The following GPC5 variants were observed in gnomAD, a reference collection of about 807,000 sequenced individuals.
The protein encoded by GPC5 is glypican 5.
GPC5 carries 47 observed loss-of-function variants against 53.9 expected under a neutral mutation model. The ratio of observed to expected loss-of-function variants is 0.87; its 90% CI spans 0.69 to 1.11. The LOEUF is 1.11. GPC5 is among the 50% of genes most tolerant of loss of function. GPC5 has a pLI of 0.00. For synonymous variants in GPC5, 286 were observed against 263.3 expected (o/e 1.09, Z -0.84); for missense variants, 748 against 713.1 (o/e 1.05, Z -0.56).
intron 7 of GPC5, among the ~76,000 whole-genome samples, chr13:92,863,640 C>T (rs562725792): frequency 3.3e-5 from 5 of 152,210 alleles, no homozygotes; most frequent in African/African-American, 4.8e-5. Context: ...ATTACAGGCA[C>T]GCACCACCAC....
chr13:92,815,850 G>C (rs1435340996), intron 7 of GPC5, among the ~76,000 whole-genome samples: 1 of 151,906 alleles, frequency 6.6e-6, no homozygotes, highest in African/African-American at 2.4e-5. Flanking sequence ...ATTGAGTTGA[G>C]CTGCCATTTT....
intron 7 of GPC5, among the ~76,000 whole-genome samples, chr13:92,156,831 A>G (rs1350900153): frequency 2.0e-5 from 3 of 151,984 alleles, no homozygotes; most frequent in African/African-American, 4.8e-5. Context: ...TTACATATAT[A>G]TGTGTGTTTA....
chr13:92,386,138 G>A (rs192169677), intron 7 of GPC5, among the ~76,000 whole-genome samples: 4 of 151,976 alleles, frequency 2.6e-5, no homozygotes, highest in Non-Finnish European at 4.4e-5. Context: ...TATGGTCCGT[G>A]AAAAATCTAG....
intron 7 of GPC5, among the ~76,000 whole-genome samples, chr13:92,401,872 T>C (rs190923382): frequency 2.6e-5 from 4 of 152,270 alleles, no homozygotes; most frequent in African/African-American, 9.6e-5. Context: ...TTGCATACTC[T>C]CCTCCTTTGT....
intron 7 of GPC5, among the ~76,000 whole-genome samples, chr13:92,646,264 T>C (rs1228809452): frequency 2.0e-5 from 3 of 152,112 alleles, no homozygotes; most frequent in Non-Finnish European, 4.4e-5. Context: ...TACTCAAGCA[T>C]CGTTTGTAAA....
intron 6 of GPC5, among the ~76,000 whole-genome samples, chr13:91,949,882 C>T (rs912641147): frequency 6.6e-6 from 1 of 152,168 alleles, no homozygotes; most frequent in Non-Finnish European, 1.5e-5. Context: ...ATTTGCATGT[C>T]ATTGTCAGCC....
At chr13:92,758,910 G>A (rs1276398977) in intron 7 of GPC5, among the ~76,000 whole-genome samples, 1 of 149,962 alleles carries the variant, frequency 6.7e-6, no homozygotes, top group Non-Finnish European at 1.5e-5. Flanking sequence ...TTTGTGTATG[G>A]TGTAAAAGAA....
intron 7 of GPC5, among the ~76,000 whole-genome samples, chr13:92,566,178 A>G (rs1882857944): frequency 6.6e-6 from 1 of 152,092 alleles, no homozygotes; most frequent in South Asian, 2.1e-4. Flanking sequence ...TAAAGGTCCT[A>G]TACACTATTG....
chr13:91,836,563 T>A (rs1343444591), intron 5 of GPC5, among the ~76,000 whole-genome samples: 1 of 152,090 alleles, frequency 6.6e-6, no homozygotes, highest in Non-Finnish European at 1.5e-5. Flanking sequence ...ATTGATAAAA[T>A]CATGAGTGCT....
chr13:91,872,100 C>T (rs1438846889), intron 5 of GPC5, among the ~76,000 whole-genome samples: 1 of 151,948 alleles, frequency 6.6e-6, no homozygotes, highest in Non-Finnish European at 1.5e-5. Flanking sequence ...AAATGTCCTT[C>T]TTCTTAGAAA....
intron 7 of GPC5, among the ~76,000 whole-genome samples, chr13:92,464,829 A>G (rs938125081): frequency 6.6e-6 from 1 of 151,938 alleles, no homozygotes; most frequent in Non-Finnish European, 1.5e-5. Flanking sequence ...CAACATTATT[A>G]GAGGAACTTT....
In GPC5 at chr13:92,801,027, GA is replaced by G. The variant is rs936476314; in HGVS notation, c.1562-65245del. ...TGGTTTCTAGATGTTACTAAAAAAA[GA>G]AAAAAAAAAGAAAACTAGCTTTTTG... On this transcript the variant is annotated intron_variant, in intron 7 of 7. Coordinates refer to ENST00000377067, the MANE Select transcript of GPC5 (RefSeq NM_004466.6). Among the ~76,000 whole-genome samples, 414 of 143,124 alleles carry G rather than the reference GA, an allele frequency of 2.9e-3. 2 individuals are homozygous for G. The highest frequency in any genetic ancestry group is 6.0e-3 in the Admixed American group (85 of 14,242). The allele number at this position is 143,124 out of a possible 152,430, so 93.9% of individuals were successfully genotyped here. A position where few individuals can be genotyped will look rare whatever the true frequency, so the allele number is the denominator to read the frequency against.
chr13:92,442,956 T>C (rs1443616137), intron 7 of GPC5, among the ~76,000 whole-genome samples: 2 of 152,190 alleles, frequency 1.3e-5, no homozygotes, highest in African/African-American at 2.4e-5. Flanking sequence ...GATATGCAAC[T>C]GTGTTAGACT....
intron 7 of GPC5, 88 bp downstream of exon 7, chr13:92,145,077 A>C (rs2138984251): frequency 2.6e-6 from 3 of 1,144,734 alleles, no homozygotes; most frequent in Non-Finnish European, 3.4e-6. Flanking sequence ...AGAAATAATG[A>C]CAATTCAAAA....
At chr13:92,039,304 C>T (rs2040923117) in intron 6 of GPC5, among the ~76,000 whole-genome samples, 3 of 152,044 alleles carry the variant, frequency 2.0e-5, no homozygotes, top group Admixed American at 2.0e-4. Context: ...TGTTTGTGTG[C>T]CAATGGAAAT....
intron 7 of GPC5, among the ~76,000 whole-genome samples, chr13:92,632,463 CATATAT>C (rs34336057): frequency 3.3e-5 from 4 of 120,092 alleles, no homozygotes; most frequent in Non-Finnish European, 5.5e-5. Context: ...AAATATTCCA[CATATAT>C]ATATATATAT....
intron 5 of GPC5, among the ~76,000 whole-genome samples, chr13:91,907,718 G>A (rs146458327): frequency 6.6e-6 from 1 of 151,820 alleles, no homozygotes; most frequent in East Asian, 1.9e-4. Flanking sequence ...GGTCCATTGA[G>A]TGAATAACAT....
At chr13:91,938,396 C>T (rs944724951) in intron 6 of GPC5, among the ~76,000 whole-genome samples, 3 of 152,098 alleles carry the variant, frequency 2.0e-5, no homozygotes, top group Non-Finnish European at 4.4e-5. Flanking sequence ...AAGGCAGGCA[C>T]CATGCTATTC....
intron 6 of GPC5, among the ~76,000 whole-genome samples, chr13:92,062,162 G>A (rs1319052027): frequency 1.3e-5 from 2 of 151,556 alleles, no homozygotes; most frequent in Non-Finnish European, 3.0e-5. Flanking sequence ...TTTTTTTGGG[G>A]GGAATTAGAC....
Sources: allele counts gnomAD v4.1 joint callset (sites outside exome capture counted in the v4.1 genomes callset), GRCh38; gene constraint gnomAD v4.1.1; transcripts MANE v1.5; gene names NCBI Gene and HGNC (gene_info 2026-07-23, HGNC 2026-07-21).